POLN: variants seen among roughly 807,000 people sequenced by gnomAD.
POLN encodes the protein DNA polymerase N.
In POLN, 108 loss-of-function variants were observed where a neutral mutation model predicts 113.5. That is an observed-to-expected ratio of 0.95 (90% CI 0.81 to 1.12). POLN has a LOEUF of 1.12. Among genes scored for constraint, POLN ranks in the 50% most tolerant of loss-of-function variants. POLN has a pLI of 0.00. For missense variants in POLN, 1,097 were observed against 1,077.1 expected, an observed-to-expected ratio of 1.02 and a Z score of -0.26; for synonymous variants, 386 against 391.5, an observed-to-expected ratio of 0.99 and a Z score of 0.17.
chr4:2,241,958 GAAAA>G (rs927828581), intron 1 of POLN, 89 bp downstream of exon 1: 2 of 985,264 alleles, frequency 2.0e-6, no homozygotes, highest in Non-Finnish European at 2.4e-6. Flanking sequence ...AGGAGCGCAG[GAAAA>G]AAAAGAGGCA....
At chr4:2,085,837 G>T in intron 20 of POLN, 93 bp from the exon 21 acceptor site, 1 of 1,537,788 alleles carries the variant, frequency 6.5e-7, no homozygotes, top group South Asian at 1.2e-5. Flanking sequence ...TGGCAGCACT[G>T]GTCTTTTCTG....
intron 2 of POLN, chr4:2,240,429 A>G: frequency 6.2e-7 from 1 of 1,613,832 alleles, no homozygotes; most frequent in South Asian, 1.1e-5. Flanking sequence ...CAATTGTGTA[A>G]CTTCATCAGT....
chr4:2,189,471 C>T (rs1733380343), intron 7 of POLN, among the ~76,000 whole-genome samples: 1 of 150,868 alleles, frequency 6.6e-6, no homozygotes, highest in African/African-American at 2.4e-5. Flanking sequence ...AACCCCGTCT[C>T]TACCAAAAAT....
At chr4:2,144,638 T>C (rs1732088715) in intron 16 of POLN, among the ~76,000 whole-genome samples, 1 of 152,194 alleles carries the variant, frequency 6.6e-6, no homozygotes, top group African/African-American at 2.4e-5. Flanking sequence ...GCTGTAAGAA[T>C]GAATGCTACA....
chr4:2,207,974 A>C lies in POLN; in HGVS notation c.714+13T>G. 2 of 1,567,684 alleles carry C rather than the reference A, an allele frequency of 1.3e-6. No individual in the cohort carries two copies. The highest frequency in any genetic ancestry group is 1.7e-6 in the Non-Finnish European group (2 of 1,162,288). On this transcript the variant is annotated intron_variant, in intron 5 of 25. Coordinates refer to ENST00000511885, the MANE Select transcript of POLN (RefSeq NM_181808.4). ...TGTCAAGACAGCAAATAAAAACATC[A>C]CTGTTTACTAACCTGGTCAGCTCCT...
chr4:2,166,145 C>G (rs1014645427), intron 13 of POLN, among the ~76,000 whole-genome samples: 1 of 152,146 alleles, frequency 6.6e-6, no homozygotes, highest in African/African-American at 2.4e-5. Flanking sequence ...CAAGGCTACC[C>G]ATTTTTCTAA....
chr4:2,098,684 C>T (rs1730853641), intron 19 of POLN, among the ~76,000 whole-genome samples: 1 of 152,174 alleles, frequency 6.6e-6, no homozygotes, highest in South Asian at 2.1e-4. Context: ...GGCATGCATG[C>T]ACAACTTCTT....
At chr4:2,109,168 G>C (rs138043912) in intron 19 of POLN, among the ~76,000 whole-genome samples, 5 of 152,314 alleles carry the variant, frequency 3.3e-5, no homozygotes, top group Admixed American at 2.6e-4. Context: ...TATCATTTAG[G>C]AGGAAATGAT....
At chr4:2,170,956 G>C in intron 12 of POLN, 142 bp downstream of exon 12, 1 of 858,528 alleles carries the variant, frequency 1.2e-6, no homozygotes, top group South Asian at 1.7e-5. Context: ...GAATCTCAAT[G>C]TGTTCATTAC....
intron 24 of POLN, among the ~76,000 whole-genome samples, chr4:2,075,195 C>T (rs1174196028): frequency 1.3e-5 from 2 of 152,230 alleles, no homozygotes; most frequent in Non-Finnish European, 2.9e-5. Flanking sequence ...GTCTGCAGTT[C>T]CAGTCAGCTA....
chr4:2,187,368 C>T (rs772112851), intron 7 of POLN, among the ~76,000 whole-genome samples: 20 of 152,056 alleles, frequency 1.3e-4, no homozygotes, highest in Admixed American at 2.6e-4. Context: ...CTCAGCCTCC[C>T]GAGTATCTGG....
At chr4:2,237,675 T>C (rs1001410288) in intron 2 of POLN, among the ~76,000 whole-genome samples, 1 of 152,210 alleles carries the variant, frequency 6.6e-6, no homozygotes, top group African/African-American at 2.4e-5. Flanking sequence ...CATCTTAACC[T>C]ACCTATATTA....
intron 7 of POLN, 92 bp from the exon 8 acceptor site, chr4:2,179,557 G>A: frequency 8.2e-7 from 1 of 1,226,890 alleles, no homozygotes. Flanking sequence ...ACGAATAGTA[G>A]TAGTATTGTC....
At chr4:2,075,972 C>A (rs754240010) in intron 23 of POLN, among the ~76,000 whole-genome samples, 1 of 152,194 alleles carries the variant, frequency 6.6e-6, no homozygotes, top group African/African-American at 2.4e-5. Context: ...TGGGCCGAGC[C>A]TCGAACAACA....
At chr4:2,238,301 G>A (rs547865664) in intron 2 of POLN, among the ~76,000 whole-genome samples, 6 of 152,076 alleles carry the variant, frequency 3.9e-5, no homozygotes, top group African/African-American at 1.4e-4. Flanking sequence ...CAAACTTCCT[G>A]CCCCAAATCT....
chr4:2,105,684 A>G (rs1411597575), intron 19 of POLN, among the ~76,000 whole-genome samples: 3 of 152,072 alleles, frequency 2.0e-5, no homozygotes, highest in African/African-American at 7.2e-5. Flanking sequence ...TAGGGAGGGG[A>G]CATGAATCCA....
chr4:2,215,713 C>G (rs1318026165), intron 3 of POLN, among the ~76,000 whole-genome samples: 1 of 152,210 alleles, frequency 6.6e-6, no homozygotes, highest in African/African-American at 2.4e-5. Flanking sequence ...CCACACTGCA[C>G]TGCTCATAGC....
intron 7 of POLN, among the ~76,000 whole-genome samples, chr4:2,187,428 G>C (rs911291656): frequency 6.6e-6 from 1 of 151,994 alleles, no homozygotes; most frequent in African/African-American, 2.4e-5. Flanking sequence ...ATTTTTAGTA[G>C]AGACAGGGTT....
chr4:2,172,159 G>C (rs1385964119), intron 11 of POLN, among the ~76,000 whole-genome samples: 3 of 152,132 alleles, frequency 2.0e-5, no homozygotes, highest in Non-Finnish European at 4.4e-5. Flanking sequence ...TATCACTCTG[G>C]TCCAGAGCTC....
Sources: gnomAD v4.1 joint callset for allele counts (sites outside exome capture counted in the v4.1 genomes callset) on GRCh38, gnomAD v4.1.1 for gene constraint, MANE v1.5 for transcripts, NCBI Gene and HGNC (gene_info 2026-07-23, HGNC 2026-07-21) for gene names.